The following ZNF292 variants were observed in gnomAD, a reference collection of about 807,000 sequenced individuals.
The protein encoded by ZNF292 is 16 zinc-finger domain protein.
A neutral mutation model predicts 217.9 loss-of-function variants in ZNF292; 26 were observed. The observed-to-expected ratio is 0.12, with a 90% CI of 0.09 to 0.17. The LOEUF is 0.17. ZNF292 is among the 10% of genes least tolerant of loss of function. The pLI is 1.00. For synonymous variants in ZNF292, 1,257 were observed against 1,124.1 expected (o/e 1.12, Z -2.37); for missense variants, 2,904 against 3,175.2 (o/e 0.91, Z 2.05).
At chr6:87,163,866 T>G (rs985880960) in intron 1 of ZNF292, among the ~76,000 whole-genome samples, 1 of 152,162 alleles carries the variant, frequency 6.6e-6, no homozygotes, top group Non-Finnish European at 1.5e-5. Context: ...GTGATAGGAT[T>G]GAAAGGATAG....
chr6:87,254,284 A>G (rs1034787311), intron 7 of ZNF292, among the ~76,000 whole-genome samples: 1 of 152,250 alleles, frequency 6.6e-6, no homozygotes, highest in African/African-American at 2.4e-5. Flanking sequence ...ATACTAAACT[A>G]TAACACATAT....
At position 87,256,662 on chromosome 6, in the gene ZNF292, C is replaced by T; in HGVS notation, c.3033C>T (p.Leu1011=). ...ATTCTTTAGTAAATTCAGAAACTCT[C>T]AAAATAGGTGACCTTACCCCACAAA... ...TQNSLVNSET[L]KIGDLTPQNL... is the part of the protein sequence containing the mutation. The change falls in exon 8 of 8, where the codon CTC becomes CTT. Residue 1011 remains leucine, a synonymous_variant. Coordinates refer to ENST00000369577, the MANE Select transcript of ZNF292 (RefSeq NM_015021.3). 6.2e-7 allele frequency: 1 copy of T among 1,613,476 alleles called. No individual in the cohort carries two copies.
chr6:87,202,389 G>A (rs536360255), intron 1 of ZNF292, among the ~76,000 whole-genome samples: 34 of 152,168 alleles, frequency 2.2e-4, no homozygotes, highest in African/African-American at 8.2e-4. Flanking sequence ...TTTTGTGTAT[G>A]GATCTTATAT....
At chr6:87,240,653 T>C (rs2127835757) in intron 5 of ZNF292, among the ~76,000 whole-genome samples, 1 of 152,254 alleles carries the variant, frequency 6.6e-6, no homozygotes, top group Non-Finnish European at 1.5e-5. Flanking sequence ...ACTCCTGACC[T>C]CACGTGATCC....
At chr6:87,164,568 C>T (rs1317386849) in intron 1 of ZNF292, among the ~76,000 whole-genome samples, 6 of 152,042 alleles carry the variant, frequency 3.9e-5, no homozygotes. Context: ...TTTTATGGGA[C>T]ACATTTAATT....
intron 1 of ZNF292, among the ~76,000 whole-genome samples, chr6:87,191,505 A>G (rs1413772591): frequency 6.6e-6 from 1 of 152,184 alleles, no homozygotes; most frequent in Non-Finnish European, 1.5e-5. Context: ...ATAGTTGGTT[A>G]GAATTGTTTT....
At chr6:87,232,262 A>G (rs73485808) in intron 4 of ZNF292, among the ~76,000 whole-genome samples, 12,434 of 152,156 alleles carry the variant, frequency 0.082, 859 homozygotes, top group African/African-American at 0.19. Flanking sequence ...ATAGTGGAGT[A>G]CAGTTAGATC....
intron 5 of ZNF292, among the ~76,000 whole-genome samples, chr6:87,239,945 G>A (rs1031851944): frequency 2.6e-5 from 4 of 152,064 alleles, no homozygotes; most frequent in Non-Finnish European, 5.9e-5. Flanking sequence ...CTTCCCAGAC[G>A]GGGTGGCGGC....
At chr6:87,219,018 T>C (rs760927833) in intron 4 of ZNF292, among the ~76,000 whole-genome samples, 48 of 152,210 alleles carry the variant, frequency 3.2e-4, no homozygotes, top group Non-Finnish European at 5.4e-4. Flanking sequence ...CAGTTTATAT[T>C]TGATAATTTA....
At chr6:87,176,743 T>C (rs1356595018) in intron 1 of ZNF292, among the ~76,000 whole-genome samples, 1 of 152,196 alleles carries the variant, frequency 6.6e-6, no homozygotes, top group Non-Finnish European at 1.5e-5. Flanking sequence ...ATCCATGCTT[T>C]ACATACTCAT....
At chr6:87,246,129 G>A (rs80346584) in intron 7 of ZNF292, among the ~76,000 whole-genome samples, 1 of 152,202 alleles carries the variant, frequency 6.6e-6, no homozygotes, top group African/African-American at 2.4e-5. Context: ...TACTCAGGAG[G>A]CTGAGGCAGT....
At chr6:87,171,906 G>A (rs1420012520) in intron 1 of ZNF292, among the ~76,000 whole-genome samples, 2 of 152,052 alleles carry the variant, frequency 1.3e-5, no homozygotes, top group African/African-American at 2.4e-5. Flanking sequence ...TACCACTAGC[G>A]GAACATACTT....
chr6:87,180,085 C>G (rs887742792), intron 1 of ZNF292, among the ~76,000 whole-genome samples: 11 of 152,246 alleles, frequency 7.2e-5, no homozygotes, highest in African/African-American at 2.6e-4. Flanking sequence ...TTCCCTGGGC[C>G]ACATTGAAAG....
At position 87,262,739 on chromosome 6, in the gene ZNF292, T is replaced by A. The variant is rs1775667815; in HGVS notation, c.*938T>A. The A allele has an allele frequency of 6.6e-6, 1 of 152,068 alleles. No individual in the cohort carries two copies. The highest frequency in any genetic ancestry group is 2.4e-5 in the African/African-American group (1 of 41,452). 9.4% of individuals were successfully genotyped at this position (152,068 alleles called of 1,614,324 possible). On this transcript the variant is annotated 3_prime_UTR_variant, in exon 8 of 8. Coordinates refer to ENST00000369577, the MANE Select transcript of ZNF292 (RefSeq NM_015021.3). ...CTTAAATAAAATCACATTTCATTTC[T>A]TGTTTTATACATGTGATCTTATAAA... is the stretch of plus-strand genomic sequence containing the variant.
At chr6:87,163,948 GGT>G (rs1770832330) in intron 1 of ZNF292, among the ~76,000 whole-genome samples, 1 of 152,114 alleles carries the variant, frequency 6.6e-6, no homozygotes, top group Admixed American at 6.5e-5. Context: ...GTAGATTTAT[GGT>G]TACATGGCCT....
chr6:87,214,859 T>C (rs1204613060), intron 1 of ZNF292: 1 of 152,110 alleles, frequency 6.6e-6, no homozygotes, highest in Non-Finnish European at 1.5e-5. Flanking sequence ...AGTAGAGAGG[T>C]CAAGGTAGTA....
intron 1 of ZNF292, among the ~76,000 whole-genome samples, chr6:87,204,831 T>C (rs905748367): frequency 1.3e-5 from 2 of 152,140 alleles, no homozygotes; most frequent in Non-Finnish European, 2.9e-5. Flanking sequence ...CGCAAAGTGC[T>C]GGGATTACAG....
rs546950704 is a variant in ZNF292, at chr6:87,198,621, A to C, written c.169-17282A>C. 4.1e-4 allele frequency among the ~76,000 whole-genome samples: 62 copies of C among 152,368 alleles called. 1 individual carries two copies. The highest frequency in any genetic ancestry group is 1.4e-3 in the African/African-American group (58 of 41,594). The stretch of plus-strand genomic sequence containing the variant: ...GGTTTTATAAGATACGAAGTACTTA[A>C]ATATATTAGACTTGGGGAAGTTATT... On this transcript the variant is annotated intron_variant, in intron 1 of 7. Transcript: ENST00000369577.
intron 1 of ZNF292, among the ~76,000 whole-genome samples, chr6:87,187,141 G>T (rs1315501101): frequency 2.0e-5 from 3 of 152,052 alleles, no homozygotes; most frequent in Non-Finnish European, 4.4e-5. Flanking sequence ...CAAAGTTTTA[G>T]AAAAAAGAAA....
Sources: gnomAD v4.1 joint callset for allele counts (sites outside exome capture counted in the v4.1 genomes callset) on GRCh38, gnomAD v4.1.1 for gene constraint, MANE v1.5 for transcripts, NCBI Gene and HGNC (gene_info 2026-07-23, HGNC 2026-07-21) for gene names.